The following ACOXL variants were observed in gnomAD, a reference collection of about 807,000 sequenced individuals.
ACOXL encodes the protein acyl-CoA oxidase like.
A neutral mutation model predicts 71.9 loss-of-function variants in ACOXL; 70 were observed. The observed-to-expected ratio is 0.97, with a 90% CI of 0.80 to 1.19. The LOEUF (loss-of-function observed/expected upper bound fraction) is 1.19. ACOXL is among the 50% of genes most tolerant of loss of function. The pLI, the probability that ACOXL is intolerant of heterozygous loss-of-function variation, is 0.00. For synonymous variants in ACOXL, 253 were observed against 281.6 expected, an observed-to-expected ratio of 0.90 and a Z score of 1.02; for missense variants, 703 against 736.3, an observed-to-expected ratio of 0.95 and a Z score of 0.52.
At chr2:110,842,387 A>G (rs1691282951) in intron 10 of ACOXL, among the ~76,000 whole-genome samples, 1 of 152,166 alleles carries the variant, frequency 6.6e-6, no homozygotes, top group Admixed American at 6.5e-5. Flanking sequence ...AGGGGAAAGA[A>G]ATACATTTTC....
chr2:110,812,874 TGCATCCGGGTAGCTG>T (rs1437795383), intron 9 of ACOXL, among the ~76,000 whole-genome samples: 1 of 152,214 alleles, frequency 6.6e-6, no homozygotes, highest in Non-Finnish European at 1.5e-5. Flanking sequence ...GGACTCATGG[TGCATCCGGGTAGCTG>T]AAACACTTGG....
At chr2:110,894,737 G>T (rs184155040) in intron 10 of ACOXL, among the ~76,000 whole-genome samples, 185 of 152,286 alleles carry the variant, frequency 1.2e-3, no homozygotes, top group Non-Finnish European at 2.4e-3. Context: ...ACTAGAGTTA[G>T]AACTGTCACT....
intron 1 of ACOXL, among the ~76,000 whole-genome samples, chr2:110,737,541 C>T (rs1386706410): frequency 6.6e-6 from 1 of 152,160 alleles, no homozygotes; most frequent in Non-Finnish European, 1.5e-5. Context: ...CTTTTTATTT[C>T]TTCAGAGATA....
intron 14 of ACOXL, chr2:111,016,403 T>TA (rs1222813382): frequency 1.3e-5 from 2 of 152,206 alleles, no homozygotes; most frequent in African/African-American, 2.4e-5. Flanking sequence ...ACTTAAGACT[T>TA]ACGTGTGCTA....
intron 15 of ACOXL, among the ~76,000 whole-genome samples, chr2:111,047,829 CT>C (rs1390618556): frequency 6.6e-6 from 1 of 152,222 alleles, no homozygotes; most frequent in Non-Finnish European, 1.5e-5. Context: ...CAACATTGAT[CT>C]CTCTATGGAT....
chr2:111,011,618 C>T (rs917538220), intron 14 of ACOXL, among the ~76,000 whole-genome samples: 2 of 152,154 alleles, frequency 1.3e-5, no homozygotes, highest in Non-Finnish European at 2.9e-5. Context: ...TGCAGTGGCT[C>T]ATGCCTGTAG....
intron 9 of ACOXL, among the ~76,000 whole-genome samples, chr2:110,837,725 T>C (rs1288988978): frequency 2.0e-5 from 3 of 152,060 alleles, no homozygotes; most frequent in African/African-American, 7.2e-5. Context: ...ATTTTTGAAA[T>C]GTTGAATTAC....
At chr2:110,839,486 C>G (rs553230340) in intron 9 of ACOXL, among the ~76,000 whole-genome samples, 11 of 152,188 alleles carry the variant, frequency 7.2e-5, no homozygotes, top group African/African-American at 1.4e-4. Flanking sequence ...AAAATTTACT[C>G]CTAGTTGAGA....
At chr2:110,794,913 T>C (rs963739355) in intron 5 of ACOXL, among the ~76,000 whole-genome samples, 3 of 152,088 alleles carry the variant, frequency 2.0e-5, no homozygotes, top group Non-Finnish European at 4.4e-5. Flanking sequence ...GTAACCCTCA[T>C]GCCCATCTCT....
intron 12 of ACOXL, among the ~76,000 whole-genome samples, chr2:110,952,285 T>C (rs2061358326): frequency 6.6e-6 from 1 of 152,200 alleles, no homozygotes; most frequent in Non-Finnish European, 1.5e-5. Flanking sequence ...TACCCTTTTC[T>C]CTTTTTAGCC....
chr2:111,065,369 A>G (rs1261694438), intron 16 of ACOXL, among the ~76,000 whole-genome samples: 1 of 152,254 alleles, frequency 6.6e-6, no homozygotes, highest in African/African-American at 2.4e-5. Context: ...CTCAAAATAG[A>G]TCATGGACTT....
intron 12 of ACOXL, among the ~76,000 whole-genome samples, chr2:110,937,652 G>A (rs1310120491): frequency 1.3e-5 from 2 of 152,186 alleles, no homozygotes; most frequent in African/African-American, 2.4e-5. Flanking sequence ...AACTCCCTGG[G>A]AGTGAAGTGT....
chr2:110,838,924 T>A (rs185970291), intron 9 of ACOXL, among the ~76,000 whole-genome samples: 23 of 152,342 alleles, frequency 1.5e-4, no homozygotes, highest in Admixed American at 1.0e-3. Flanking sequence ...CTGTGTCGTT[T>A]GGTTTGAGCC....
At chr2:110,900,755 T>C (rs1189496137) in intron 10 of ACOXL, among the ~76,000 whole-genome samples, 1 of 152,034 alleles carries the variant, frequency 6.6e-6, no homozygotes, top group African/African-American at 2.4e-5. Context: ...GTTTGAACCA[T>C]AGCGTGATGG....
intron 9 of ACOXL, among the ~76,000 whole-genome samples, chr2:110,834,397 A>G (rs1299657749): frequency 6.6e-6 from 1 of 152,228 alleles, no homozygotes; most frequent in African/African-American, 2.4e-5. Context: ...TATCAAGAGA[A>G]GCAAAGGAAC....
intron 2 of ACOXL, among the ~76,000 whole-genome samples, chr2:110,772,104 G>A (rs1682023194): frequency 6.6e-6 from 1 of 152,152 alleles, no homozygotes; most frequent in South Asian, 2.1e-4. Context: ...ATCCCTCATG[G>A]CATTCCCATT....
intron 10 of ACOXL, among the ~76,000 whole-genome samples, chr2:110,906,586 CAAA>C (rs78173066): frequency 4.1e-4 from 41 of 98,892 alleles, no homozygotes; most frequent in South Asian, 9.7e-4. Context: ...ATTTTTCAGC[CAAA>C]AAAAAAAAAA....
intron 15 of ACOXL, among the ~76,000 whole-genome samples, chr2:111,047,985 T>G (rs1393516116): frequency 6.6e-6 from 1 of 152,260 alleles, no homozygotes; most frequent in African/African-American, 2.4e-5. Flanking sequence ...TAGAGTAACA[T>G]TGAAAACTAC....
chr2:110,824,529 T>C (rs1457062107), intron 9 of ACOXL, among the ~76,000 whole-genome samples: 1 of 152,208 alleles, frequency 6.6e-6, no homozygotes, highest in Middle Eastern at 3.2e-3. Context: ...TCTTTTTCTC[T>C]CTCTTTTGGG....
Sources: gnomAD v4.1 joint callset for allele counts (sites outside exome capture counted in the v4.1 genomes callset) on GRCh38, gnomAD v4.1.1 for gene constraint, MANE v1.5 for transcripts, NCBI Gene and HGNC (gene_info 2026-07-23, HGNC 2026-07-21) for gene names.